The following DPYD variants were observed in gnomAD, a reference collection of about 807,000 sequenced individuals.
The protein encoded by DPYD is dihydropyrimidine dehydrogenase [NADP(+)].
DPYD carries 109 observed loss-of-function variants against 116.2 expected under a neutral mutation model. The observed-to-expected ratio is 0.94, with a 90% CI of 0.80 to 1.10. The LOEUF is 1.10. Ranked by LOEUF, DPYD falls within the 50% of genes least tolerant of loss-of-function variation. DPYD has a pLI of 0.00. For synonymous variants in DPYD, 440 were observed against 432.0 expected (o/e 1.02, Z -0.23); for missense variants, 1,302 against 1,254.5 (o/e 1.04, Z -0.57).
At chr1:97,588,500 C>CTT (rs985323427) in intron 10 of DPYD, among the ~76,000 whole-genome samples, 2 of 152,136 alleles carry the variant, frequency 1.3e-5, no homozygotes, top group Non-Finnish European at 2.9e-5. Context: ...TTCATGCCTC[C>CTT]TTTTAGGGAT....
At chr1:97,123,887 T>C (rs1652634918) in intron 20 of DPYD, among the ~76,000 whole-genome samples, 1 of 152,156 alleles carries the variant, frequency 6.6e-6, no homozygotes, top group Middle Eastern at 3.2e-3. Context: ...GTGCAGGTTC[T>C]GAGCCCTGCA....
chr1:97,727,537 G>A (rs1293144852), intron 4 of DPYD, among the ~76,000 whole-genome samples: 1 of 151,690 alleles, frequency 6.6e-6, no homozygotes, highest in Non-Finnish European at 1.5e-5. Context: ...AAGGGGAAAG[G>A]TAGGGAGCCC....
chr1:97,242,258 C>T (rs1025263034), intron 18 of DPYD, among the ~76,000 whole-genome samples: 1 of 146,984 alleles, frequency 6.8e-6, no homozygotes, highest in East Asian at 2.0e-4. Context: ...GTATTACTTT[C>T]TATAGAAAAA....
At chr1:97,787,697 GAACAAGGCTATAAC>G (rs1667114437) in intron 3 of DPYD, among the ~76,000 whole-genome samples, 1 of 151,974 alleles carries the variant, frequency 6.6e-6, no homozygotes, top group African/African-American at 2.4e-5. Context: ...AAGTTCCGTC[GAACAAGGCTATAAC>G]AATAATAGAG....
At chr1:97,501,683 A>AT (rs1437609753) in intron 13 of DPYD, among the ~76,000 whole-genome samples, 3 of 152,034 alleles carry the variant, frequency 2.0e-5, no homozygotes, top group African/African-American at 7.2e-5. Flanking sequence ...GGATGACAGT[A>AT]TGAGACCCTG....
At chr1:97,764,771 A>T (rs1213164381) in intron 3 of DPYD, among the ~76,000 whole-genome samples, 1 of 152,080 alleles carries the variant, frequency 6.6e-6, no homozygotes, top group East Asian at 1.9e-4. Context: ...TGTTTTAGAG[A>T]TTTATTACGT....
rs116273085 is a variant in DPYD at position 97,899,432 on chromosome 1, C to T, written c.40-16058G>A. ...CTTCCTCTGAACTTTGACAAATGCGCCTTTTCCCTTTGTTTCTTTTAATTT... is the reference window on the plus strand; with the variant it reads ...CTTCCTCTGAACTTTGACAAATGCGTCTTTTCCCTTTGTTTCTTTTAATTT... On this transcript the variant is annotated intron_variant, in intron 1 of 22. Transcript: ENST00000370192. Among the ~76,000 whole-genome samples, 1,343 of 151,924 alleles carry T rather than the reference C, an allele frequency of 8.8e-3. 24 individuals are homozygous for T. The highest frequency in any genetic ancestry group is 0.031 in the African/African-American group (1,291 of 41,476).
At chr1:97,317,035 G>A (rs562450033) in intron 16 of DPYD, among the ~76,000 whole-genome samples, 72 of 151,866 alleles carry the variant, frequency 4.7e-4, no homozygotes, top group African/African-American at 1.4e-3. Flanking sequence ...GCCATATTTC[G>A]CAGTAATTAG....
At chr1:97,205,306 G>A (rs1012875354) in intron 19 of DPYD, among the ~76,000 whole-genome samples, 2 of 151,748 alleles carry the variant, frequency 1.3e-5, no homozygotes, top group Admixed American at 6.6e-5. Flanking sequence ...TATGCTGTAC[G>A]TATTCATCCC....
Position 97,579,713 on chromosome 1 carries a change from T to C in DPYD, c.1129-5743A>G, listed in dbSNP as rs544581724. Among the ~76,000 whole-genome samples the C allele has an allele frequency of 1.3e-5, 2 of 152,342 alleles. 1 individual carries two copies. Among genetic ancestry groups the C allele is most frequent in the African/African-American group, 4.8e-5 (2 of 41,576 alleles). ...CATGGCACCCATATATATTTATTTG[T>C]TTGATGGAGCATGTCTTTATGAGGG... On this transcript the variant is annotated intron_variant, in intron 10 of 22. Coordinates refer to ENST00000370192, the MANE Select transcript of DPYD (RefSeq NM_000110.4).
chr1:97,871,496 TC>T (rs1671654617), intron 2 of DPYD, among the ~76,000 whole-genome samples: 1 of 150,602 alleles, frequency 6.6e-6, no homozygotes, highest in African/African-American at 2.4e-5. Flanking sequence ...AGAGTGGAAT[TC>T]CCCACGACAA....
chr1:97,556,206 A>G (rs1651691915), intron 11 of DPYD, among the ~76,000 whole-genome samples: 1 of 152,212 alleles, frequency 6.6e-6, no homozygotes. Flanking sequence ...AAAATTCAAC[A>G]GATAACCACT....
intron 2 of DPYD, among the ~76,000 whole-genome samples, chr1:97,876,042 T>C (rs1468172469): frequency 3.9e-5 from 6 of 152,026 alleles, no homozygotes; most frequent in Admixed American, 3.9e-4. Context: ...CTACCAATTT[T>C]GAGTTAAATT....
At chr1:97,202,036 T>G (rs1659243544) in intron 19 of DPYD, among the ~76,000 whole-genome samples, 1 of 152,054 alleles carries the variant, frequency 6.6e-6, no homozygotes, top group South Asian at 2.1e-4. Context: ...GTAAAATAGC[T>G]GTCCAAATGT....
At chr1:97,301,439 G>C (rs1293118336) in intron 18 of DPYD, among the ~76,000 whole-genome samples, 1 of 151,948 alleles carries the variant, frequency 6.6e-6, no homozygotes, top group East Asian at 1.9e-4. Context: ...TTTCAAGCTT[G>C]TGGGAAGTAA....
intron 11 of DPYD, among the ~76,000 whole-genome samples, chr1:97,550,055 T>C (rs1050993328): frequency 1.3e-5 from 2 of 152,188 alleles, no homozygotes; most frequent in Admixed American, 6.5e-5. Flanking sequence ...TTTAAATACA[T>C]ACAAAATACA....
intron 8 of DPYD, among the ~76,000 whole-genome samples, chr1:97,674,658 TAAAAAAAAAAAAAGG>T (rs1660045061): frequency 7.1e-6 from 1 of 141,726 alleles, no homozygotes. Context: ...CACAGAACTT[TAAAAAAAAAAAAAGG>T]AACTATACCC....
At chr1:97,631,028 T>C (rs1183135078) in intron 8 of DPYD, among the ~76,000 whole-genome samples, 3 of 152,132 alleles carry the variant, frequency 2.0e-5, no homozygotes, top group Non-Finnish European at 2.9e-5. Context: ...ATGGAGGTAG[T>C]TGAAACAACA....
At chr1:97,403,641 C>T (rs1186728090) in intron 14 of DPYD, among the ~76,000 whole-genome samples, 1 of 151,882 alleles carries the variant, frequency 6.6e-6, no homozygotes, top group Non-Finnish European at 1.5e-5. Context: ...GTCCCTGGGA[C>T]CCGTAGTGAT....
Sources: gnomAD v4.1 joint callset for allele counts (sites outside exome capture counted in the v4.1 genomes callset) on GRCh38, gnomAD v4.1.1 for gene constraint, MANE v1.5 for transcripts, NCBI Gene and HGNC (gene_info 2026-07-23, HGNC 2026-07-21) for gene names.